The following RBPMS2 variants were observed in gnomAD, a reference collection of about 807,000 sequenced individuals.
The protein encoded by RBPMS2 is RNA binding protein, mRNA processing factor 2.
Under a neutral mutation model 25.7 loss-of-function variants are expected in RBPMS2, and 14 were observed. The observed-to-expected ratio is 0.55, with a 90% confidence interval of 0.36 to 0.85. RBPMS2 has a LOEUF of 0.85. Ranked by LOEUF, RBPMS2 falls within the 40% of genes least tolerant of loss-of-function variation. The pLI is 0.01. For missense variants in RBPMS2, 252 were observed against 283.4 expected, an observed-to-expected ratio of 0.89 and a Z score of 0.80; for synonymous variants, 127 against 115.6, an observed-to-expected ratio of 1.10 and a Z score of -0.63.
chr15:64,757,925 A>G (rs1472689859), intron 1 of RBPMS2, among the ~76,000 whole-genome samples: 1 of 152,188 alleles, frequency 6.6e-6, no homozygotes, highest in Non-Finnish European at 1.5e-5. Flanking sequence ...GCAGTGAGTC[A>G]TGATTGCACC....
rs183602841 is a variant in RBPMS2 at position 64,767,357 on chromosome 15, G to A, written c.87+7876C>T. On this transcript the variant is annotated intron_variant, in intron 1 of 7. Coordinates refer to ENST00000300069, the MANE Select transcript of RBPMS2 (RefSeq NM_194272.3). ...TGTGGATCCTTCTGTGGCAGCCATG[G>A]GCGGAAGACAGAGGAAGTGACGTGA... 4.6e-5 allele frequency among the ~76,000 whole-genome samples: 7 copies of A among 152,156 alleles called. No homozygotes were observed. The East Asian group carries it at 1.4e-3, about 30-fold the overall frequency.
intron 1 of RBPMS2, among the ~76,000 whole-genome samples, chr15:64,752,458 A>G (rs1172052270): frequency 6.6e-6 from 1 of 152,058 alleles, no homozygotes; most frequent in Non-Finnish European, 1.5e-5. Context: ...AATGTCAAGA[A>G]ACACCTTATA....
chr15:64,758,665 G>A (rs1302799018), intron 1 of RBPMS2, among the ~76,000 whole-genome samples: 1 of 152,050 alleles, frequency 6.6e-6, no homozygotes, highest in East Asian at 1.9e-4. Flanking sequence ...AACTGCCTCT[G>A]CCCAGCAAAG....
intron 1 of RBPMS2, among the ~76,000 whole-genome samples, chr15:64,763,814 G>T (rs1042791042): frequency 6.7e-6 from 1 of 149,734 alleles, no homozygotes; most frequent in African/African-American, 2.5e-5. Flanking sequence ...GTGTGTAGGG[G>T]TGGGGGGAAT....
At chr15:64,755,024 C>T (rs900221748) in intron 1 of RBPMS2, among the ~76,000 whole-genome samples, 1 of 152,192 alleles carries the variant, frequency 6.6e-6, no homozygotes, top group Non-Finnish European at 1.5e-5. Context: ...AGGGGCCACA[C>T]ATTTCACCCA....
At chr15:64,748,352 G>C in intron 6 of RBPMS2, 67 bp downstream of exon 6, 1 of 1,535,130 alleles carries the variant, frequency 6.5e-7, no homozygotes, top group Middle Eastern at 2.1e-4. Context: ...CAAGTGGCCA[G>C]GCACATGCAA....
Position 64,744,798 on chromosome 15 carries a change from G to GTTGTTTTTTTT in RBPMS2, c.568-3557_568-3556insAAAAAAAACAA, listed in dbSNP as rs2083601378. 1.5e-4 allele frequency among the ~76,000 whole-genome samples: 7 copies of GTTGTTTTTTTT among 46,298 alleles called. 1 individual carries two copies. The highest frequency in any genetic ancestry group is 5.2e-4 in the African/African-American group (7 of 13,592). The allele number at this position is 46,298 out of a possible 152,430, so 30.4% of individuals were successfully genotyped here. A position where few individuals can be genotyped will look rare whatever the true frequency, so the allele number is the denominator to read the frequency against. On this transcript the variant is annotated intron_variant, in intron 6 of 7. Coordinates refer to ENST00000300069, the MANE Select transcript of RBPMS2 (RefSeq NM_194272.3). ...TATTTAAGTTTTTTTGGTTTGTTTT[G>GTTGTTTTTTTT]TTTTTTTTTTTTTTTTTTTTTTTTT... is the stretch of plus-strand genomic sequence containing the variant.
At chr15:64,750,230 C>A (rs555513225) in intron 3 of RBPMS2, 113 bp downstream of exon 3, 6 of 925,058 alleles carry the variant, frequency 6.5e-6, no homozygotes, top group African/African-American at 1.6e-5. Context: ...CAACAGGGAG[C>A]GCAAGTCTGT....
At position 64,775,275 on chromosome 15, in the gene RBPMS2, G is replaced by A. The variant is rs755508990; in HGVS notation, c.45C>T (p.Gly15=). Residue 15 remains glycine, a synonymous_variant, in exon 1 of 8, where the codon GGC becomes GGT. Coordinates refer to ENST00000300069, the MANE Select transcript of RBPMS2 (RefSeq NM_194272.3). ...KPDGEHGGST[G]TGSGAGSGGA... is the part of the protein sequence containing the mutation. ...CGCCGGAGCCCGCGCCGGAGCCGGT[G>A]CCGGTGCTGCCGCCGTGCTCGCCGT... is the stretch of plus-strand genomic sequence containing the variant. 11 of 1,351,204 alleles carry A rather than the reference G, an allele frequency of 8.1e-6. No individual in the cohort carries two copies. The Admixed American group carries it at 2.9e-4, about 35-fold the overall frequency. The allele number at this position is 1,351,204 out of a possible 1,614,324, so 83.7% of individuals were successfully genotyped here.
intron 4 of RBPMS2, 109 bp downstream of exon 4, chr15:64,749,322 A>T: frequency 7.7e-7 from 1 of 1,304,058 alleles, no homozygotes; most frequent in Non-Finnish European, 1.1e-6. Context: ...TGGCACAGAC[A>T]GTGTCGCCAA....
At chr15:64,751,316 G>A (rs1656285560) in intron 2 of RBPMS2, among the ~76,000 whole-genome samples, 1 of 148,272 alleles carries the variant, frequency 6.7e-6, no homozygotes, top group Admixed American at 7.0e-5. Context: ...CTGGGCGGCA[G>A]AGCAAGACTC....
At chr15:64,767,193 G>A (rs138038157) in intron 1 of RBPMS2, among the ~76,000 whole-genome samples, 6 of 151,868 alleles carry the variant, frequency 4.0e-5, no homozygotes, top group South Asian at 4.2e-4. Flanking sequence ...TCGACTTCCC[G>A]GGCTCAAGCG....
intron 1 of RBPMS2, among the ~76,000 whole-genome samples, chr15:64,764,955 G>C (rs1275208199): frequency 1.3e-5 from 2 of 148,506 alleles, no homozygotes; most frequent in Non-Finnish European, 3.0e-5. Context: ...GGCCAGGCAC[G>C]GTGGCTCACG....
chr15:64,763,021 C>T (rs1185736273), intron 1 of RBPMS2, among the ~76,000 whole-genome samples: 1 of 147,178 alleles, frequency 6.8e-6, no homozygotes, highest in Non-Finnish European at 1.5e-5. Flanking sequence ...TCAGGGCAGT[C>T]ATACCCTTGG....
chr15:64,744,504 G>A (rs2083594788), intron 6 of RBPMS2, among the ~76,000 whole-genome samples: 1 of 148,468 alleles, frequency 6.7e-6, no homozygotes, highest in South Asian at 2.1e-4. Context: ...GTTGAGGTGA[G>A]CTAAGATCAC....
At chr15:64,747,756 A>G (rs1423097859) in intron 6 of RBPMS2, among the ~76,000 whole-genome samples, 4 of 152,174 alleles carry the variant, frequency 2.6e-5, no homozygotes, top group Non-Finnish European at 4.4e-5. Context: ...CACCCAGCCC[A>G]GCACCCCACA....
intron 1 of RBPMS2, among the ~76,000 whole-genome samples, chr15:64,760,141 C>T (rs139451131): frequency 1.1e-3 from 173 of 152,306 alleles, no homozygotes; most frequent in African/African-American, 4.0e-3. Context: ...ACATGGAGGT[C>T]CTGCAGGAAT....
rs1434111677 is a variant in RBPMS2 at position 64,751,569 on chromosome 15, G to A, written c.157C>T (p.Pro53Ser). 1 of 1,613,656 alleles carries A rather than the reference G, an allele frequency of 6.2e-7. No individual in the cohort carries two copies. Among genetic ancestry groups the A allele is most frequent in the Non-Finnish European group, 8.5e-7 (1 of 1,179,828 alleles). ...GCTGGGTCCTGACTCACCTTGAACG[G>A]CCGGAAGAGCAAGTAGAGTTCTCTG... The part of the protein sequence containing the change: ...KPRELYLLFR[P>S]FKGYEGSLIK... The change falls in exon 2 of 8, where the codon CCG becomes TCG. Residue 53 changes from proline (P) to serine (S), a missense_variant. Coordinates refer to ENST00000300069, the MANE Select transcript of RBPMS2 (RefSeq NM_194272.3).
chr15:64,755,781 G>C (rs2083727011), intron 1 of RBPMS2, among the ~76,000 whole-genome samples: 1 of 152,132 alleles, frequency 6.6e-6, no homozygotes, highest in African/African-American at 2.4e-5. Flanking sequence ...CACATGTAGG[G>C]AGGAACAAGA....
Sources: allele counts gnomAD v4.1 joint callset (sites outside exome capture counted in the v4.1 genomes callset), GRCh38; gene constraint gnomAD v4.1.1; transcripts MANE v1.5; gene names NCBI Gene and HGNC (gene_info 2026-07-23, HGNC 2026-07-21).